Variants in ARRB1 observed in about 807,000 individuals in gnomAD.
The protein encoded by ARRB1 is beta-arrestin-1.
Under a neutral mutation model 56.8 loss-of-function variants are expected in ARRB1, and 21 were observed. That is an observed-to-expected ratio of 0.37 (90% CI 0.26 to 0.53). ARRB1 has a LOEUF of 0.53. ARRB1 is among the 20% of genes least tolerant of loss of function. ARRB1 has a pLI of 0.88. For missense variants in ARRB1, 424 were observed against 553.7 expected (o/e 0.77, Z 2.35); for synonymous variants, 210 against 218.6 (o/e 0.96, Z 0.35).
At chr11:75,307,242 G>T (rs546643819) in intron 1 of ARRB1, among the ~76,000 whole-genome samples, 23 of 152,244 alleles carry the variant, frequency 1.5e-4, no homozygotes, top group African/African-American at 5.5e-4. Context: ...GGAGCGGAAG[G>T]GGTCAAAGTG....
intron 12 of ARRB1, chr11:75,272,681 T>G (rs1946097296): frequency 2.5e-5 from 13 of 528,138 alleles, no homozygotes; most frequent in African/African-American, 8.4e-5. Flanking sequence ...TGGGTGGGGG[T>G]AAGAGAGGGG....
rs911724557 is a variant in ARRB1, at chr11:75,263,007, G to A, written c.*3156C>T. 1.3e-5 allele frequency among the ~76,000 whole-genome samples: 2 copies of A among 152,182 alleles called. No homozygotes were observed. Among genetic ancestry groups the A allele is most frequent in the East Asian group, 1.9e-4 (1 of 5,196 alleles). On this transcript the variant is annotated 3_prime_UTR_variant, in exon 16 of 16. Coordinates refer to ENST00000420843, the MANE Select transcript of ARRB1 (RefSeq NM_004041.5). Reference sequence around the variant, plus strand: ...GCTCTCTGCTCGGTGGGTTTTCACCGGGGCATGCTTTTCCTTCCTGCCCGG... The same window carrying A: ...GCTCTCTGCTCGGTGGGTTTTCACCAGGGCATGCTTTTCCTTCCTGCCCGG...
intron 15 of ARRB1, 106 bp from the exon 16 acceptor site, chr11:75,266,380 G>A (rs1945913573): frequency 2.2e-6 from 2 of 891,744 alleles, no homozygotes; most frequent in South Asian, 2.9e-5. Context: ...CTGGGGCCGG[G>A]GAGAACCACC....
rs529074708 is a variant in ARRB1, at chr11:75,308,380, A to G, written c.21-18341T>C. Among the ~76,000 whole-genome samples, 4 of 152,334 alleles carry G rather than the reference A, an allele frequency of 2.6e-5. No homozygotes were observed. The East Asian group carries it at 7.7e-4, about 29-fold the overall frequency. ...CGAGCCCAGAGACAGCACTAAGTAA[A>G]TGTTTACTGAATGCCTGTTCACTGA... On this transcript the variant is annotated intron_variant, in intron 1 of 15. Coordinates refer to ENST00000420843, the MANE Select transcript of ARRB1 (RefSeq NM_004041.5).
At chr11:75,332,130 C>G (rs917248930) in intron 1 of ARRB1, among the ~76,000 whole-genome samples, 2 of 151,862 alleles carry the variant, frequency 1.3e-5, no homozygotes, top group Admixed American at 1.3e-4. Flanking sequence ...CCACCCCTAT[C>G]TCTCTCTCTT....
At chr11:75,276,786 C>T (rs1946209709) in intron 10 of ARRB1, 53 bp downstream of exon 10, 1 of 1,588,678 alleles carries the variant, frequency 6.3e-7, no homozygotes, top group Non-Finnish European at 8.6e-7. Flanking sequence ...CCTAGAGCTT[C>T]TCTTTTTCCC....
intron 3 of ARRB1, among the ~76,000 whole-genome samples, chr11:75,284,678 C>T (rs1053087144): frequency 6.6e-6 from 1 of 152,024 alleles, no homozygotes; most frequent in South Asian, 2.1e-4. Flanking sequence ...CTGAGGTGGG[C>T]GGATCACTTG....
In ARRB1 at chr11:75,260,278, A is replaced by G. The variant is rs1385691284; in HGVS notation, c.*5885T>C. The G allele has an allele frequency of 6.6e-6, 1 of 152,202 alleles. No homozygotes were observed. The highest frequency in any genetic ancestry group is 2.1e-4 in the South Asian group (1 of 4,832). The allele number at this position is 152,202 out of a possible 1,614,324, so 9.4% of individuals were successfully genotyped here. On this transcript the variant is annotated 3_prime_UTR_variant, in exon 16 of 16. Coordinates refer to ENST00000420843, the MANE Select transcript of ARRB1 (RefSeq NM_004041.5). ...GTGGTCCAGGAATGAGAGTGTCACA[A>G]AATAATCACTCAACACAAGGGCCAC...
chr11:75,306,767 C>T, intron 1 of ARRB1: 1 of 930,084 alleles, frequency 1.1e-6, no homozygotes, highest in Non-Finnish European at 1.4e-6. Flanking sequence ...TGATACGCGT[C>T]CTGTTTCCTC....
At chr11:75,299,831 T>C (rs1946853935) in intron 1 of ARRB1, among the ~76,000 whole-genome samples, 1 of 152,224 alleles carries the variant, frequency 6.6e-6, no homozygotes, top group South Asian at 2.1e-4. Flanking sequence ...TAGTAGGTGC[T>C]CAATAAATAA....
At chr11:75,297,338 C>T (rs183887115) in intron 1 of ARRB1, among the ~76,000 whole-genome samples, 13 of 150,984 alleles carry the variant, frequency 8.6e-5, no homozygotes, top group African/African-American at 2.7e-4. Context: ...CACAAAGCTA[C>T]AGTAATCAAG....
At chr11:75,321,269 C>A (rs1239980942) in intron 1 of ARRB1, among the ~76,000 whole-genome samples, 8 of 147,154 alleles carry the variant, frequency 5.4e-5, no homozygotes, top group Non-Finnish European at 1.2e-4. Context: ...CTGCTCACCC[C>A]CCCCCACCAC....
chr11:75,283,872 A>G (rs985894319), intron 4 of ARRB1, among the ~76,000 whole-genome samples: 2 of 152,166 alleles, frequency 1.3e-5, no homozygotes, highest in Admixed American at 1.3e-4. Flanking sequence ...GCTGGGTGGT[A>G]TCTGGACGGC....
chr11:75,331,055 G>A (rs993985381), intron 1 of ARRB1, among the ~76,000 whole-genome samples: 4 of 152,200 alleles, frequency 2.6e-5, no homozygotes, highest in African/African-American at 4.8e-5. Context: ...GCGGAGTCTC[G>A]CTCTGTCGCC....
chr11:75,298,491 C>T (rs533593292), intron 1 of ARRB1, among the ~76,000 whole-genome samples: 6 of 152,270 alleles, frequency 3.9e-5, no homozygotes, highest in South Asian at 2.1e-4. Context: ...TACAATGATA[C>T]ACTTCACACC....
intron 1 of ARRB1, chr11:75,306,850 G>A (rs1400050322): frequency 1.1e-5 from 4 of 370,132 alleles, no homozygotes; most frequent in South Asian, 2.2e-5. Context: ...GTACACAGAC[G>A]GGCAGGGGGT....
intron 1 of ARRB1, among the ~76,000 whole-genome samples, chr11:75,325,275 T>C (rs566252187): frequency 7.9e-5 from 12 of 152,260 alleles, no homozygotes; most frequent in Non-Finnish European, 5.9e-5. Flanking sequence ...CCCCAGCCCC[T>C]ACTCTGGCTG....
intron 1 of ARRB1, 134 bp downstream of exon 1, chr11:75,351,454 C>T: frequency 7.4e-7 from 1 of 1,345,296 alleles, no homozygotes; most frequent in African/African-American, 1.5e-5. Context: ...CAGGAGACCT[C>T]GGGTGGAGGA....
chr11:75,267,669 G>C lies in ARRB1; in HGVS notation c.1128C>G (p.Leu376=). 7.2e-7 allele frequency: 1 copy of C among 1,387,132 alleles called. No homozygotes were observed. The highest frequency in any genetic ancestry group is 9.6e-7 in the Non-Finnish European group (1 of 1,037,068). The allele number at this position is 1,387,132 out of a possible 1,614,324, so 85.9% of individuals were successfully genotyped here. The change falls in exon 15 of 16, where the codon CTC becomes CTG. Residue 376 remains leucine, a synonymous_variant. Coordinates refer to ENST00000420843, the MANE Select transcript of ARRB1 (RefSeq NM_004041.5). The stretch of plus-strand genomic sequence containing the variant: ...CAGCTTACTTTGTGTCAAGTTCTAT[G>C]AGATTGGTATCTACTGGCGTCTCGT... The part of the protein sequence containing the change: ...PENETPVDTN[L]IELDTNDDDI...
Sources: allele counts gnomAD v4.1 joint callset (sites outside exome capture counted in the v4.1 genomes callset), GRCh38; gene constraint gnomAD v4.1.1; transcripts MANE v1.5; gene names NCBI Gene and HGNC (gene_info 2026-07-23, HGNC 2026-07-21).